Variants in B3GNT2 observed in about 807,000 individuals in gnomAD.
B3GNT2 encodes the protein N-acetyllactosaminide beta-1,3-N-acetylglucosaminyltransferase 2.
Under a neutral mutation model 27.6 loss-of-function variants are expected in B3GNT2, and 12 were observed. The ratio of observed to expected loss-of-function variants is 0.44; its 90% CI spans 0.28 to 0.71. B3GNT2 has a LOEUF of 0.71. Ranked by LOEUF, B3GNT2 falls within the 30% of genes least tolerant of loss-of-function variation. B3GNT2 has a pLI of 0.17. For missense variants in B3GNT2, 413 were observed against 488.5 expected, an observed-to-expected ratio of 0.85 and a Z score of 1.46; for synonymous variants, 192 against 189.7, an observed-to-expected ratio of 1.01 and a Z score of -0.10.
intron 1 of B3GNT2, among the ~76,000 whole-genome samples, chr2:62,209,722 T>A (rs934512692): frequency 1.3e-5 from 2 of 152,048 alleles, no homozygotes; most frequent in African/African-American, 4.8e-5. Flanking sequence ...AGAGCTGGGG[T>A]CTGGACCAGC....
intron 1 of B3GNT2, among the ~76,000 whole-genome samples, chr2:62,201,636 C>G (rs1200131889): frequency 1.3e-5 from 2 of 152,126 alleles, no homozygotes; most frequent in Non-Finnish European, 2.9e-5. Flanking sequence ...GCAAATGTAA[C>G]TTGGGTAGTA....
At position 62,222,338 on chromosome 2, in the gene B3GNT2, G is replaced by A; in HGVS notation, c.118G>A (p.Glu40Lys). 6.2e-7 allele frequency: 1 copy of A among 1,614,052 alleles called. No individual in the cohort carries two copies. The change falls in exon 2 of 2, where the codon GAA becomes AAA. Residue 40 changes from glutamate (E) to lysine (K), a missense_variant. By Grantham distance (56) the Glu-to-Lys change is moderately conservative. Transcript: ENST00000301998. The surrounding 1 kb of genome is among the most constrained non-coding windows in gnomAD (Gnocchi z 4.2). ...TAGCCAAGAAAAAAATGGAAAAGGGGAAGTAATAATACCCAAAGAGAAGTT... is the reference window on the plus strand; with the variant it reads ...TAGCCAAGAAAAAAATGGAAAAGGGAAAGTAATAATACCCAAAGAGAAGTT... ...SSSQEKNGKG[E>K]VIIPKEKFWK...
chr2:62,199,798 C>A (rs543820069), intron 1 of B3GNT2, among the ~76,000 whole-genome samples: 2 of 152,344 alleles, frequency 1.3e-5, no homozygotes, highest in Admixed American at 1.3e-4. Context: ...ATTGCTGTTC[C>A]TACGTACTTG....
At chr2:62,198,861 C>G (rs1440605742) in intron 1 of B3GNT2, among the ~76,000 whole-genome samples, 2 of 152,006 alleles carry the variant, frequency 1.3e-5, no homozygotes, top group African/African-American at 4.8e-5. Context: ...GAGAAATATG[C>G]AGGGCTTTTT....
In B3GNT2 at chr2:62,224,731, A is replaced by C. The variant is rs1170370881; in HGVS notation, c.*1317A>C. On this transcript the variant is annotated 3_prime_UTR_variant, in exon 2 of 2. Coordinates refer to ENST00000301998, the MANE Select transcript of B3GNT2 (RefSeq NM_006577.6). ...TGGAAATAAAGCCACTGTATTTTTA[A>C]TTTTTTGTGTAATGTGTAATCTATA... 6.0e-6 allele frequency: 1 copy of C among 166,988 alleles called. No individual in the cohort carries two copies. Among genetic ancestry groups the C allele is most frequent in the Non-Finnish European group, 1.5e-5 (1 of 68,086 alleles). The allele number at this position is 166,988 out of a possible 1,614,324, so 10.3% of individuals were successfully genotyped here.
Position 62,198,865 on chromosome 2 carries a change from G to A in B3GNT2, c.-10+2510G>A, listed in dbSNP as rs185103841. Among the ~76,000 whole-genome samples the A allele has an allele frequency of 1.6e-3, 240 of 152,250 alleles. 2 individuals are homozygous for A. Among genetic ancestry groups the A allele is most frequent in the African/African-American group, 4.5e-3 (187 of 41,546 alleles). ...TATGTTCTGAAGAGAAATATGCAGG[G>A]CTTTTTCAGCTGATGCAGGGATAAA... is the stretch of plus-strand genomic sequence containing the variant. On this transcript the variant is annotated intron_variant, in intron 1 of 1. Transcript: ENST00000301998.
chr2:62,208,606 ACAGAGCCAGGGAC>A (rs1483418220), intron 1 of B3GNT2, among the ~76,000 whole-genome samples: 10 of 152,218 alleles, frequency 6.6e-5, no homozygotes, highest in Non-Finnish European at 2.9e-5. Flanking sequence ...CAGGACTGGC[ACAGAGCCAGGGAC>A]CAGAGGGAGG....
At chr2:62,218,959 A>G (rs946512911) in intron 1 of B3GNT2, among the ~76,000 whole-genome samples, 7 of 152,224 alleles carry the variant, frequency 4.6e-5, no homozygotes, top group Non-Finnish European at 1.0e-4. Flanking sequence ...GAAGTTGGAA[A>G]TCTTGCCAGG....
At chr2:62,209,595 A>G (rs1471789715) in intron 1 of B3GNT2, among the ~76,000 whole-genome samples, 1 of 152,178 alleles carries the variant, frequency 6.6e-6, no homozygotes, top group Non-Finnish European at 1.5e-5. Context: ...ATGGGGCAAC[A>G]CAGAACACAG....
intron 1 of B3GNT2, among the ~76,000 whole-genome samples, chr2:62,199,641 A>G (rs1674222616): frequency 6.6e-6 from 1 of 152,188 alleles, no homozygotes; most frequent in Non-Finnish European, 1.5e-5. Context: ...GTTGCTTGGT[A>G]TTTTTGGTGT....
intron 1 of B3GNT2, 97 bp downstream of exon 1, chr2:62,196,452 C>G (rs965186496): frequency 6.6e-6 from 1 of 152,666 alleles, no homozygotes; most frequent in Non-Finnish European, 1.5e-5. Flanking sequence ...CCCTGCTTCC[C>G]GGCCCCACCT....
At chr2:62,208,088 A>T (rs539707207) in intron 1 of B3GNT2, among the ~76,000 whole-genome samples, 2 of 152,226 alleles carry the variant, frequency 1.3e-5, no homozygotes, top group East Asian at 3.9e-4. Flanking sequence ...GAATTCTTGT[A>T]CATTTTACTA....
rs1421424624 is a variant in B3GNT2, at chr2:62,222,172, T to G, written c.-9-40T>G. The G allele has an allele frequency of 2.0e-6, 3 of 1,499,922 alleles. No individual in the cohort carries two copies. The South Asian group carries it at 4.0e-5, about 20-fold the overall frequency. 92.9% of individuals were successfully genotyped at this position (1,499,922 alleles called of 1,614,324 possible). A position where few individuals can be genotyped will look rare whatever the true frequency, so the allele number is the denominator to read the frequency against. ...ATAAATTGTATGTGCAAATGCAAAT[T>G]GATAAGTAATTGATACAATACTCCA... is the stretch of plus-strand genomic sequence containing the variant. On this transcript the variant is annotated intron_variant, in intron 1 of 1. Coordinates refer to ENST00000301998, the MANE Select transcript of B3GNT2 (RefSeq NM_006577.6). The surrounding 1 kb of genome is among the most constrained non-coding windows in gnomAD (Gnocchi z 4.2).
At chr2:62,221,954 A>T (rs1674703860) in intron 1 of B3GNT2, 1 of 550,378 alleles carries the variant, frequency 1.8e-6, no homozygotes, top group Admixed American at 2.5e-5. Flanking sequence ...AAAGCTTTCC[A>T]TATAACATCA....
intron 1 of B3GNT2, among the ~76,000 whole-genome samples, chr2:62,203,425 A>G (rs182899687): frequency 6.0e-4 from 91 of 152,260 alleles, no homozygotes; most frequent in African/African-American, 2.1e-3. Flanking sequence ...AGACCCAGCA[A>G]TAGACTTGGG....
intron 1 of B3GNT2, among the ~76,000 whole-genome samples, chr2:62,212,813 T>A (rs1170596012): frequency 1.3e-5 from 2 of 152,174 alleles, no homozygotes; most frequent in African/African-American, 4.8e-5. Flanking sequence ...TTTATTGTAT[T>A]AAACTTCCCT....
At chr2:62,217,181 G>T (rs1186436046) in intron 1 of B3GNT2, among the ~76,000 whole-genome samples, 1 of 152,228 alleles carries the variant, frequency 6.6e-6, no homozygotes, top group Non-Finnish European at 1.5e-5. Context: ...ACTTTAAGAA[G>T]ATTAACCATG....
chr2:62,224,017 A>C lies in B3GNT2; in HGVS notation c.*603A>C, dbSNP rs1485449788. 6.0e-6 allele frequency: 1 copy of C among 167,204 alleles called. No homozygotes were observed. The highest frequency in any genetic ancestry group is 2.4e-5 in the African/African-American group (1 of 41,468). 10.4% of individuals were successfully genotyped at this position (167,204 alleles called of 1,614,324 possible). ...TTTGCAAAATGAGAATCATGGTGTG[A>C]CACTCATCTAATTTATCTTGTTGTG... is the stretch of plus-strand genomic sequence containing the variant. On this transcript the variant is annotated 3_prime_UTR_variant, in exon 2 of 2. Coordinates refer to ENST00000301998, the MANE Select transcript of B3GNT2 (RefSeq NM_006577.6).
rs1674766190 is a variant in B3GNT2 at position 62,223,579 on chromosome 2, G to A, written c.*165G>A. The A allele has an allele frequency of 8.3e-6, 5 of 604,682 alleles. No individual in the cohort carries two copies. Among genetic ancestry groups the A allele is most frequent in the Non-Finnish European group, 1.4e-5 (5 of 347,246 alleles). The allele number at this position is 604,682 out of a possible 1,614,324, so 37.5% of individuals were successfully genotyped here. On this transcript the variant is annotated 3_prime_UTR_variant, in exon 2 of 2. Transcript: ENST00000301998. ...TTCAATTTGGTACTCACGTGAAGAG[G>A]GAAAGCGGAAGATGGTAATTTTTTT...
Sources: gnomAD v4.1 joint callset for allele counts (sites outside exome capture counted in the v4.1 genomes callset) on GRCh38, gnomAD v4.1.1 for gene constraint, Gnocchi (gnomAD v3.1) non-coding constraint, MANE v1.5 for transcripts, NCBI Gene and HGNC (gene_info 2026-07-23, HGNC 2026-07-21) for gene names.